Variants in FAM81B observed in about 807,000 individuals in gnomAD.
FAM81B encodes family with sequence similarity 81 member B.
FAM81B carries 60 observed loss-of-function variants against 58.7 expected under a neutral mutation model. The ratio of observed to expected loss-of-function variants is 1.02; its 90% CI spans 0.83 to 1.27. FAM81B has a LOEUF of 1.27. Among genes scored for constraint, FAM81B ranks in the 50% most tolerant of loss-of-function variants. The probability of loss-of-function intolerance (pLI) is 0.00; values close to 1 mark genes in which losing one functional copy is unlikely to be tolerated. For synonymous variants in FAM81B, 189 were observed against 179.6 expected (o/e 1.05, Z -0.42); for missense variants, 491 against 522.0 (o/e 0.94, Z 0.58).
At chr5:95,410,663 A>C (rs1762382172) in intron 3 of FAM81B, 1 of 152,176 alleles carries the variant, frequency 6.6e-6, no homozygotes, top group Admixed American at 6.5e-5. Context: ...ATAGGTACAA[A>C]TATATATTTC....
chr5:95,446,589 C>T lies in FAM81B; in HGVS notation c.921C>T (p.Tyr307=), dbSNP rs200384844. 1,138 of 1,609,208 alleles carry T rather than the reference C, an allele frequency of 7.1e-4. 1 individual carries two copies. Among genetic ancestry groups the T allele is most frequent in the African/African-American group, 1.8e-3 (133 of 74,642 alleles). Residue 307 remains tyrosine, a synonymous_variant, in exon 8 of 10, where the codon TAC becomes TAT. Transcript: ENST00000283357. ...FKFHSLSSNL[Y]EEVENNKKWT... ...TTCATTCACTTTCAAGTAATCTGTA[C>T]GAAGAAGTTGAGAATAATAAAAAAT...
chr5:95,448,352 A>C lies in FAM81B; in HGVS notation c.1113A>C (p.Glu371Asp), dbSNP rs1482717563. 1 of 1,612,700 alleles carries C rather than the reference A, an allele frequency of 6.2e-7. No homozygotes were observed. Among genetic ancestry groups the C allele is most frequent in the East Asian group, 2.2e-5 (1 of 44,812 alleles). ...VENFINTQKQETQLSKVKHME... is the reference protein window; with the variant it reads ...VENFINTQKQDTQLSKVKHME... ...ATTTCATTAACACACAGAAACAGGAAACACAACTAAGTAAAGTAAAGCATA... is the reference window on the plus strand; with the variant it reads ...ATTTCATTAACACACAGAAACAGGACACACAACTAAGTAAAGTAAAGCATA... The change falls in exon 9 of 10, where the codon GAA becomes GAC. Residue 371 changes from glutamate to aspartate, a missense_variant. Coordinates refer to ENST00000283357, the MANE Select transcript of FAM81B (RefSeq NM_152548.3).
chr5:95,447,861 G>T (rs973999426), intron 8 of FAM81B, among the ~76,000 whole-genome samples: 1 of 152,136 alleles, frequency 6.6e-6, no homozygotes, highest in Non-Finnish European at 1.5e-5. Flanking sequence ...CTGGGGCTGG[G>T]GTATGGTCCA....
chr5:95,395,985 C>T (rs1761954788), intron 2 of FAM81B, 126 bp from the exon 3 acceptor site: 1 of 683,298 alleles, frequency 1.5e-6, no homozygotes, highest in South Asian at 2.1e-5. Flanking sequence ...GTAAGATTAA[C>T]TGAGCTGATT....
intron 2 of FAM81B, among the ~76,000 whole-genome samples, chr5:95,394,910 T>A (rs1177108382): frequency 6.6e-6 from 1 of 152,188 alleles, no homozygotes; most frequent in African/African-American, 2.4e-5. Flanking sequence ...TAGTAATTCC[T>A]TGGGCATTTG....
chr5:95,445,497 T>C (rs537053050), intron 7 of FAM81B, among the ~76,000 whole-genome samples: 1 of 152,300 alleles, frequency 6.6e-6, no homozygotes, highest in South Asian at 2.1e-4. Flanking sequence ...TCGGCCACTC[T>C]ACAGTGACTT....
chr5:95,424,389 G>A (rs759527198), intron 5 of FAM81B, among the ~76,000 whole-genome samples: 14 of 148,650 alleles, frequency 9.4e-5, no homozygotes, highest in Non-Finnish European at 1.9e-4. Flanking sequence ...AGTATAGGAA[G>A]AGTTCAAGCC....
intron 9 of FAM81B, 173 bp downstream of exon 9, chr5:95,448,637 T>A: frequency 3.0e-6 from 2 of 661,582 alleles, no homozygotes; most frequent in South Asian, 3.9e-5. Flanking sequence ...CTGGAAGGCA[T>A]ATAAATAAAT....
chr5:95,404,624 C>G (rs1467713979), intron 3 of FAM81B, among the ~76,000 whole-genome samples: 6 of 150,446 alleles, frequency 4.0e-5, no homozygotes, highest in African/African-American at 1.5e-4. Flanking sequence ...TTTTTTTGGT[C>G]CAGTTTTCCA....
At chr5:95,430,383 G>GTA (rs34262078) in intron 6 of FAM81B, among the ~76,000 whole-genome samples, 81,862 of 147,416 alleles carry the variant, frequency 0.56, 24,393 homozygotes, top group African/African-American at 0.77. Flanking sequence ...CAAAAATAGT[G>GTA]TATATATATA....
intron 2 of FAM81B, among the ~76,000 whole-genome samples, chr5:95,393,875 A>G (rs1046103363): frequency 1.3e-5 from 2 of 152,192 alleles, no homozygotes; most frequent in Non-Finnish European, 2.9e-5. Flanking sequence ...TGATATATGT[A>G]AAAAAATTCC....
chr5:95,436,808 G>A lies in FAM81B; in HGVS notation c.795G>A (p.Gln265=), dbSNP rs772647766. Residue 265 remains glutamine, a synonymous_variant, in exon 7 of 10, where the codon CAG becomes CAA. Transcript: ENST00000283357. ...LSKNLDMKVM[Q]LLGKIETASS... is the part of the protein sequence containing the mutation. ...TCTCGTACTTTGACTAGGTGATGCA[G>A]CTCTTAGGAAAGATAGAAACTGCCA... 1.7e-5 allele frequency: 28 copies of A among 1,611,740 alleles called. No homozygotes were observed. In the South Asian group the frequency reaches 3.1e-4, roughly 18 times the overall value.
In FAM81B at chr5:95,414,144, T is replaced by A. The variant is rs1762476570; in HGVS notation, c.491T>A (p.Ile164Asn). 1 of 1,613,922 alleles carries A rather than the reference T, an allele frequency of 6.2e-7. No individual in the cohort carries two copies. The highest frequency in any genetic ancestry group is 1.3e-5 in the African/African-American group (1 of 74,898). Residue 164 changes from isoleucine to asparagine, a missense_variant, in exon 4 of 10, where the codon ATC becomes AAC. Physicochemically the swap from Ile to Asn is moderately radical, Grantham distance 149 (BLOSUM62 -3). Transcript: ENST00000283357. The part of the protein sequence containing the change: ...SLARKLLESH[I>N]QTITSIVKKL... Reference sequence around the variant, plus strand: ...GCCAGGAAGTTACTGGAAAGCCACATCCAGACCATCACCAGCATCGTCAAA... The same window carrying A: ...GCCAGGAAGTTACTGGAAAGCCACAACCAGACCATCACCAGCATCGTCAAA...
In FAM81B at chr5:95,450,331, GA is replaced by G; in HGVS notation, c.*54del. 3 of 1,590,464 alleles carry G rather than the reference GA, an allele frequency of 1.9e-6. No homozygotes were observed. The highest frequency in any genetic ancestry group is 1.8e-5 in the Admixed American group (1 of 54,690). The stretch of plus-strand genomic sequence containing the variant: ...CATCAGCCAATGGAGTGATTTGTTG[GA>G]AAAAGTTCTGAAGAAGAAAGTTACT... On this transcript the variant is annotated 3_prime_UTR_variant, in exon 10 of 10. Coordinates refer to ENST00000283357, the MANE Select transcript of FAM81B (RefSeq NM_152548.3).
At chr5:95,396,843 G>A (rs1252993506) in intron 3 of FAM81B, 1 of 152,242 alleles carries the variant, frequency 6.6e-6, no homozygotes, top group African/African-American at 2.4e-5. Context: ...GGGATTTAGT[G>A]TCAGTCCTTC....
chr5:95,427,598 T>G (rs1057406878), intron 5 of FAM81B, among the ~76,000 whole-genome samples: 1 of 152,232 alleles, frequency 6.6e-6, no homozygotes, highest in Non-Finnish European at 1.5e-5. Context: ...CTAAAAATGT[T>G]GACATCATAA....
Position 95,391,447 on chromosome 5 carries a change from AG to A in FAM81B, c.59del (p.Arg20AsnfsTer20). The A allele has an allele frequency of 6.2e-7, 1 of 1,613,754 alleles. No homozygotes were observed. The highest frequency in any genetic ancestry group is 8.5e-7 in the Non-Finnish European group (1 of 1,179,740). The part of the protein sequence containing the change: ...ASSEKRKKSQ[R>X]LFFKNIKSTK... ...CTCAGAAAAAAGAAAAAAATCACAG[AG>A]ATTGTTTTTCAAAAATATCAAATCT... On this transcript the variant is annotated frameshift_variant, in exon 1 of 10. Transcript: ENST00000283357. LOFTEE classifies it high-confidence loss of function.
At chr5:95,428,447 T>G (rs1762908157) in intron 5 of FAM81B, among the ~76,000 whole-genome samples, 156 bp from the exon 6 acceptor site, 1 of 152,106 alleles carries the variant, frequency 6.6e-6, no homozygotes. Flanking sequence ...AAGGGAAAAA[T>G]GAAGAAAGAG....
Position 95,436,913 on chromosome 5 carries a change from G to A in FAM81B, c.893+7G>A. The A allele has an allele frequency of 1.9e-6, 3 of 1,601,690 alleles. No homozygotes were observed. The highest frequency in any genetic ancestry group is 2.6e-6 in the Non-Finnish European group (3 of 1,168,814). ...TGAACCTTTTGGAATTCAAGTAAGT[G>A]AATAGAAGATTTTTAATTCTGTTAA... On this transcript the variant is annotated splice_region_variant and intron_variant, in intron 7 of 9. Coordinates refer to ENST00000283357, the MANE Select transcript of FAM81B (RefSeq NM_152548.3).
Sources: gnomAD v4.1 joint callset for allele counts (sites outside exome capture counted in the v4.1 genomes callset) on GRCh38, gnomAD v4.1.1 for gene constraint, MANE v1.5 for transcripts, NCBI Gene and HGNC (gene_info 2026-07-23, HGNC 2026-07-21) for gene names.